GLI2: variants seen among roughly 807,000 people sequenced by gnomAD.
GLI2 encodes GLI family zinc finger 2, also known as transcription activator GLI2.
GLI2 carries 22 observed loss-of-function variants against 78.9 expected under a neutral mutation model. The ratio of observed to expected loss-of-function variants is 0.28; its 90% CI spans 0.20 to 0.40. The LOEUF (loss-of-function observed/expected upper bound fraction) is 0.40. GLI2 is among the 10% of genes least tolerant of loss of function. The probability of loss-of-function intolerance (pLI) is 1.00; values close to 1 mark genes in which losing one functional copy is unlikely to be tolerated. For missense variants in GLI2, 2,097 were observed against 2,213.2 expected (o/e 0.95, Z 1.05); for synonymous variants, 974 against 963.7 (o/e 1.01, Z -0.20).
intron 5 of GLI2, among the ~76,000 whole-genome samples, chr2:120,960,088 G>T (rs1449821775): frequency 6.6e-6 from 1 of 152,212 alleles, no homozygotes; most frequent in Non-Finnish European, 1.5e-5. Context: ...TTCGGCAGGT[G>T]TTTATTGGGC....
At chr2:120,899,638 G>T (rs1678156890) in intron 2 of GLI2, among the ~76,000 whole-genome samples, 1 of 152,178 alleles carries the variant, frequency 6.6e-6, no homozygotes, top group African/African-American at 2.4e-5. Flanking sequence ...GTCTCAGAAG[G>T]CCCTGTTCAG....
intron 5 of GLI2, among the ~76,000 whole-genome samples, chr2:120,961,692 T>C (rs13432147): frequency 0.86 from 131,368 of 152,128 alleles, 58,223 homozygotes; most frequent in East Asian, 1. Flanking sequence ...GGTCCTCAGG[T>C]CAGATTTCCT....
intron 1 of GLI2, among the ~76,000 whole-genome samples, chr2:120,741,927 G>T (rs1463868874): frequency 6.6e-6 from 1 of 152,206 alleles, no homozygotes; most frequent in Non-Finnish European, 1.5e-5. Context: ...CCACAGCCGC[G>T]CCCGGAGCGC....
At chr2:120,743,421 T>C (rs1682609997) in intron 1 of GLI2, among the ~76,000 whole-genome samples, 2 of 151,938 alleles carry the variant, frequency 1.3e-5, no homozygotes, top group African/African-American at 4.8e-5. Flanking sequence ...CTGGGCAACA[T>C]AGCGATACCC....
At chr2:120,976,825 T>C (rs2105042948) in intron 9 of GLI2, among the ~76,000 whole-genome samples, 1 of 152,312 alleles carries the variant, frequency 6.6e-6, no homozygotes, top group Non-Finnish European at 1.5e-5. Flanking sequence ...GCTCTGTCTG[T>C]CTGTCTCTCT....
At chr2:120,831,040 A>G (rs1416820410) in intron 2 of GLI2, among the ~76,000 whole-genome samples, 1 of 117,062 alleles carries the variant, frequency 8.5e-6, no homozygotes, top group African/African-American at 3.3e-5. Flanking sequence ...TTTTTCCCTC[A>G]TTTGGTCCTC....
At chr2:120,885,099 A>G (rs1464684728) in intron 2 of GLI2, among the ~76,000 whole-genome samples, 1 of 152,042 alleles carries the variant, frequency 6.6e-6, no homozygotes, top group African/African-American at 2.4e-5. Flanking sequence ...TGCCTTTCAA[A>G]TACAGCTCAA....
intron 2 of GLI2, among the ~76,000 whole-genome samples, chr2:120,827,705 T>C (rs1056209843): frequency 6.6e-6 from 1 of 152,182 alleles, no homozygotes; most frequent in Non-Finnish European, 1.5e-5. Flanking sequence ...TATGCAGCCT[T>C]AAAAAGGAAG....
intron 2 of GLI2, among the ~76,000 whole-genome samples, chr2:120,824,047 G>A (rs1350167035): frequency 6.6e-6 from 1 of 152,198 alleles, no homozygotes; most frequent in African/African-American, 2.4e-5. Flanking sequence ...AAAGAACCAG[G>A]TTTTTCTGAT....
chr2:120,926,198 G>T (rs1679666111), intron 2 of GLI2, among the ~76,000 whole-genome samples: 1 of 148,766 alleles, frequency 6.7e-6, no homozygotes, highest in Non-Finnish European at 1.5e-5. Context: ...CACAGAAACA[G>T]TTAGTAGCAT....
chr2:120,942,781 C>T (rs1166514840), intron 3 of GLI2, among the ~76,000 whole-genome samples: 2 of 152,122 alleles, frequency 1.3e-5, no homozygotes, highest in African/African-American at 2.4e-5. Context: ...TCCCTGGACA[C>T]GCTCCCTGCT....
chr2:120,769,553 G>T (rs970142863), intron 1 of GLI2, among the ~76,000 whole-genome samples: 1 of 152,214 alleles, frequency 6.6e-6, no homozygotes, highest in Non-Finnish European at 1.5e-5. Flanking sequence ...TGACAATGAG[G>T]GTTTAACACT....
chr2:120,904,630 A>G (rs534537777), intron 2 of GLI2, among the ~76,000 whole-genome samples: 1 of 152,204 alleles, frequency 6.6e-6, no homozygotes, highest in East Asian at 1.9e-4. Context: ...TTCCAGGAGG[A>G]GGCGCAGCTG....
chr2:120,831,873 A>T (rs1012317855), intron 2 of GLI2, among the ~76,000 whole-genome samples: 1 of 152,198 alleles, frequency 6.6e-6, no homozygotes, highest in African/African-American at 2.4e-5. Context: ...GATGAAATCA[A>T]TGGCACTAGT....
chr2:120,821,774 G>A (rs143167595), intron 2 of GLI2, among the ~76,000 whole-genome samples: 2 of 152,286 alleles, frequency 1.3e-5, no homozygotes, highest in African/African-American at 4.8e-5. Context: ...CCTGTGCTGC[G>A]ACCCCCAGAG....
chr2:120,887,764 G>A (rs1406062677), intron 2 of GLI2, among the ~76,000 whole-genome samples: 3 of 152,212 alleles, frequency 2.0e-5, no homozygotes, highest in Admixed American at 6.5e-5. Flanking sequence ...TCCTCCTTGG[G>A]AAACAGTGGA....
At position 120,989,787 on chromosome 2, in the gene GLI2, C is replaced by A; in HGVS notation, c.3822C>A (p.Asp1274Glu). The change falls in exon 14 of 14, where the codon GAC (aspartate) becomes GAA (glutamate). Residue 1274 changes from aspartate (D) to glutamate (E), a missense_variant. Asp to Glu is a conservative substitution (Grantham distance 45). Around this residue, in one of 5 missense-constraint regions of GLI2, gnomAD observed 1,290 missense variants for 1,261.7 expected, o/e 1.02. Coordinates refer to ENST00000361492, the MANE Select transcript of GLI2 (RefSeq NM_001374353.1). ...GHPQQTEVAP[D>E]PTTMGNRHRE... Reference sequence around the variant, plus strand: ...CTCAGCAGACAGAAGTGGCACCTGACCCCACCACGATGGGCAATCGCCACA... The same window carrying A: ...CTCAGCAGACAGAAGTGGCACCTGAACCCACCACGATGGGCAATCGCCACA... 6.2e-7 allele frequency: 1 copy of A among 1,610,816 alleles called. No homozygotes were observed. Among genetic ancestry groups the A allele is most frequent in the Non-Finnish European group, 8.5e-7 (1 of 1,178,482 alleles).
intron 8 of GLI2, 61 bp from the exon 9 acceptor site, chr2:120,974,914 C>T: frequency 1.2e-6 from 2 of 1,614,066 alleles, no homozygotes; most frequent in Non-Finnish European, 1.7e-6. Context: ...TAACAGCGAC[C>T]TCTTTTCAGG....
intron 10 of GLI2, 132 bp downstream of exon 10, chr2:120,978,715 C>T: frequency 1.0e-6 from 1 of 997,814 alleles, no homozygotes; most frequent in Non-Finnish European, 1.5e-6. Context: ...GGCTCTGGGA[C>T]AGGAGCCTGT....
Sources: gnomAD v4.1 joint callset for allele counts (sites outside exome capture counted in the v4.1 genomes callset) on GRCh38, gnomAD v4.1.1 for gene constraint, gnomAD v4.1.1 regional missense constraint, MANE v1.5 for transcripts, NCBI Gene and HGNC (gene_info 2026-07-23, HGNC 2026-07-21) for gene names.